The following MED27 variants were observed in gnomAD, a reference collection of about 807,000 sequenced individuals.
MED27 encodes mediator complex subunit 27.
In MED27, 30 loss-of-function variants were observed where a neutral mutation model predicts 38.2. The observed-to-expected ratio is 0.79, with a 90% CI of 0.59 to 1.07. The LOEUF (loss-of-function observed/expected upper bound fraction) is 1.07, where lower values mean the gene tolerates loss of function less well. MED27 is among the 50% of genes least tolerant of loss of function. The probability of loss-of-function intolerance (pLI) is 0.00; values close to 1 mark genes in which losing one functional copy is unlikely to be tolerated. For missense variants in MED27, 289 were observed against 397.5 expected (o/e 0.73, Z 2.32); for synonymous variants, 122 against 153.5 (o/e 0.79, Z 1.52).
chr9:131,961,303 T>G (rs1253174515), intron 3 of MED27, among the ~76,000 whole-genome samples: 1 of 152,202 alleles, frequency 6.6e-6, no homozygotes, highest in East Asian at 1.9e-4. Context: ...AGACAGAAGC[T>G]TGAAGCTGTC....
At chr9:132,042,298 A>G (rs1287906929) in intron 2 of MED27, among the ~76,000 whole-genome samples, 1 of 152,222 alleles carries the variant, frequency 6.6e-6, no homozygotes, top group Non-Finnish European at 1.5e-5. Context: ...TCACTGAAAC[A>G]GTCTCATGGA....
intron 3 of MED27, among the ~76,000 whole-genome samples, chr9:131,975,843 T>C (rs565212859): frequency 6.6e-6 from 1 of 152,342 alleles, no homozygotes; most frequent in African/African-American, 2.4e-5. Context: ...GACACCCAAA[T>C]GTCCTCACAG....
At chr9:131,946,032 T>TA (rs1170502136) in intron 3 of MED27, among the ~76,000 whole-genome samples, 1 of 152,008 alleles carries the variant, frequency 6.6e-6, no homozygotes, top group Non-Finnish European at 1.5e-5. Context: ...TTATTTTATT[T>TA]AATATAATGT....
chr9:131,972,678 T>C (rs1364051423), intron 3 of MED27, among the ~76,000 whole-genome samples: 1 of 152,174 alleles, frequency 6.6e-6, no homozygotes, highest in East Asian at 1.9e-4. Context: ...AATGCTTTCA[T>C]GGGAACAAGG....
At chr9:132,013,437 A>G (rs892987666) in intron 3 of MED27, among the ~76,000 whole-genome samples, 5 of 152,242 alleles carry the variant, frequency 3.3e-5, no homozygotes, top group African/African-American at 1.2e-4. Context: ...GTATAGACAG[A>G]GAGCAATGAG....
chr9:132,078,130 TCAAA>T (rs1158350635), intron 1 of MED27, among the ~76,000 whole-genome samples: 1 of 152,144 alleles, frequency 6.6e-6, no homozygotes, highest in Admixed American at 6.5e-5. Context: ...GGTGGCTGTG[TCAAA>T]CAAACACACT....
At chr9:131,946,198 T>C (rs1364595423) in intron 3 of MED27, among the ~76,000 whole-genome samples, 1 of 152,188 alleles carries the variant, frequency 6.6e-6, no homozygotes, top group Admixed American at 6.5e-5. Context: ...GTGAACAATA[T>C]TGCAATGAAC....
chr9:132,067,743 G>C (rs1259864858), intron 2 of MED27, among the ~76,000 whole-genome samples: 1 of 152,104 alleles, frequency 6.6e-6, no homozygotes, highest in African/African-American at 2.4e-5. Context: ...ACGGAGTCTT[G>C]CTCTGTCGCC....
chr9:132,012,703 C>T (rs913226345), intron 3 of MED27, among the ~76,000 whole-genome samples: 1 of 152,148 alleles, frequency 6.6e-6, no homozygotes, highest in African/African-American at 2.4e-5. Flanking sequence ...CCATACCTTA[C>T]CCCACTCTGT....
At chr9:131,976,887 T>C (rs1302211008) in intron 3 of MED27, among the ~76,000 whole-genome samples, 2 of 152,190 alleles carry the variant, frequency 1.3e-5, no homozygotes, top group Non-Finnish European at 2.9e-5. Flanking sequence ...TTAAGAACAC[T>C]ATAATTAAAA....
At chr9:131,944,352 G>C (rs945838966) in intron 3 of MED27, among the ~76,000 whole-genome samples, 2 of 151,946 alleles carry the variant, frequency 1.3e-5, no homozygotes, top group African/African-American at 4.8e-5. Context: ...CCCTTGCATT[G>C]CCTGACGTCT....
At chr9:131,929,885 T>C (rs1321258944) in intron 4 of MED27, among the ~76,000 whole-genome samples, 1 of 152,208 alleles carries the variant, frequency 6.6e-6, no homozygotes, top group Non-Finnish European at 1.5e-5. Flanking sequence ...TCCTAGCACC[T>C]TGAATGAACA....
At chr9:131,995,539 C>T (rs968650295) in intron 3 of MED27, among the ~76,000 whole-genome samples, 3 of 152,168 alleles carry the variant, frequency 2.0e-5, no homozygotes, top group Admixed American at 6.5e-5. Context: ...ATTTGTCCAA[C>T]AGAAATAGAC....
chr9:131,951,824 T>C (rs561577292), intron 3 of MED27, among the ~76,000 whole-genome samples: 9 of 152,380 alleles, frequency 5.9e-5, no homozygotes, highest in Admixed American at 3.9e-4. Context: ...ATTGCAGTCA[T>C]GAAAACACCT....
At chr9:131,912,190 G>T (rs1411067053) in intron 4 of MED27, among the ~76,000 whole-genome samples, 1 of 152,252 alleles carries the variant, frequency 6.6e-6, no homozygotes, top group East Asian at 1.9e-4. Flanking sequence ...TCATGAAAAG[G>T]GGTCTGTGGT....
chr9:132,039,604 T>C (rs1389953429), intron 2 of MED27, among the ~76,000 whole-genome samples: 1 of 152,124 alleles, frequency 6.6e-6, no homozygotes, highest in Non-Finnish European at 1.5e-5. Context: ...CTGTCTGCCA[T>C]CAAAGGCCAC....
chr9:131,939,516 G>T, intron 3 of MED27, 42 bp from the exon 4 acceptor site: 1 of 1,266,094 alleles, frequency 7.9e-7, no homozygotes, highest in Non-Finnish European at 1.1e-6. Context: ...TACAACTCCA[G>T]TTAAGAGCTA....
At chr9:131,985,215 T>C (rs1314838741) in intron 3 of MED27, among the ~76,000 whole-genome samples, 13 of 152,202 alleles carry the variant, frequency 8.5e-5, no homozygotes, top group Admixed American at 4.6e-4. Context: ...TTTACTGTTT[T>C]CTTCAAGACT....
At chr9:131,910,390 A>C (rs1470494920) in intron 4 of MED27, among the ~76,000 whole-genome samples, 2 of 152,210 alleles carry the variant, frequency 1.3e-5, no homozygotes, top group Non-Finnish European at 2.9e-5. Flanking sequence ...AGAGAATATA[A>C]ATGATTAAGC....
Sources: gnomAD v4.1 joint callset for allele counts (sites outside exome capture counted in the v4.1 genomes callset) on GRCh38, gnomAD v4.1.1 for gene constraint, MANE v1.5 for transcripts, NCBI Gene and HGNC (gene_info 2026-07-23, HGNC 2026-07-21) for gene names.